Variants in DLGAP1 observed in about 807,000 individuals in gnomAD.
DLGAP1 encodes the protein disks large-associated protein 1.
DLGAP1 carries 11 observed loss-of-function variants against 90.8 expected under a neutral mutation model. The ratio of observed to expected loss-of-function variants is 0.12; its 90% CI spans 0.08 to 0.20. The LOEUF (loss-of-function observed/expected upper bound fraction) is 0.20, where lower values mean the gene tolerates loss of function less well. DLGAP1 is among the 10% of genes least tolerant of loss of function. The pLI is 1.00. For missense variants in DLGAP1, 1,050 were observed against 1,333.8 expected (o/e 0.79, Z 3.31); for synonymous variants, 558 against 540.7 (o/e 1.03, Z -0.44).
rs1437692601 is a variant in DLGAP1, at chr18:4,419,616, T to C, written c.-267+35390A>G. Among the ~76,000 whole-genome samples, 4 of 151,664 alleles carry C rather than the reference T, an allele frequency of 2.6e-5. No individual in the cohort carries two copies. In the South Asian group the frequency reaches 8.3e-4, roughly 32 times the overall value. ...ATTGTATGTTTGTAGCATATTTCAA[T>C]GTTAAATTTATGAAAATAATAAGAT... is the stretch of plus-strand genomic sequence containing the variant. On this transcript the variant is annotated intron_variant, in intron 1 of 12. Transcript: ENST00000315677.
At chr18:4,018,149 G>C (rs2074552860) in intron 2 of DLGAP1, among the ~76,000 whole-genome samples, 1 of 152,188 alleles carries the variant, frequency 6.6e-6, no homozygotes. Context: ...TCTGACTTAG[G>C]TTTGCTTCCA....
intron 4 of DLGAP1, among the ~76,000 whole-genome samples, chr18:3,833,702 G>C (rs1224662482): frequency 6.6e-6 from 1 of 152,126 alleles, no homozygotes; most frequent in South Asian, 2.1e-4. Context: ...TAGGACTTCT[G>C]AACTGATTTC....
intron 4 of DLGAP1, among the ~76,000 whole-genome samples, chr18:3,857,884 T>A (rs915491905): frequency 1.1e-4 from 17 of 152,140 alleles, no homozygotes; most frequent in African/African-American, 3.9e-4. Context: ...CTCTTCCTCA[T>A]CCACCCCACT....
chr18:3,567,312 G>C (rs1000570364), intron 9 of DLGAP1, among the ~76,000 whole-genome samples, 178 bp downstream of exon 9: 2 of 152,124 alleles, frequency 1.3e-5, no homozygotes, highest in African/African-American at 4.8e-5. Flanking sequence ...AAATGGAGTG[G>C]TGTCTAGTAT....
intron 7 of DLGAP1, among the ~76,000 whole-genome samples, chr18:3,659,025 G>A (rs11877381): frequency 0.17 from 25,885 of 152,100 alleles, 5,204 homozygotes; most frequent in African/African-American, 0.49. Context: ...TAAGAAAAAC[G>A]TGTGATTCAC....
intron 3 of DLGAP1, among the ~76,000 whole-genome samples, chr18:3,936,940 T>A (rs1241368329): frequency 6.6e-6 from 1 of 152,172 alleles, no homozygotes; most frequent in Non-Finnish European, 1.5e-5. Flanking sequence ...TGGAAACTAG[T>A]CAACTCTGAC....
At chr18:4,440,027 G>A (rs947750408) in intron 1 of DLGAP1, among the ~76,000 whole-genome samples, 10 of 150,062 alleles carry the variant, frequency 6.7e-5, no homozygotes, top group African/African-American at 2.5e-4. Context: ...GGCTGAGGCA[G>A]GAGACTGGCG....
At chr18:3,880,409 T>C (rs2071125147) in intron 3 of DLGAP1, among the ~76,000 whole-genome samples, 1 of 152,024 alleles carries the variant, frequency 6.6e-6, no homozygotes, top group Non-Finnish European at 1.5e-5. Flanking sequence ...ACTCCTGGGC[T>C]CAAGCTGTCC....
At chr18:3,992,179 C>T (rs1256936303) in intron 3 of DLGAP1, among the ~76,000 whole-genome samples, 2 of 152,054 alleles carry the variant, frequency 1.3e-5, no homozygotes, top group African/African-American at 2.4e-5. Context: ...CATATTGGTC[C>T]CCTATTTTAA....
rs542830890 is a variant in DLGAP1, at chr18:3,550,392, A to AT, written c.2058-15778dup. Among the ~76,000 whole-genome samples, 100 of 151,928 alleles carry AT rather than the reference A, an allele frequency of 6.6e-4. No individual in the cohort carries two copies. In the South Asian group the frequency reaches 0.018, roughly 27 times the overall value. On this transcript the variant is annotated intron_variant, in intron 9 of 12. Transcript: ENST00000315677. The stretch of plus-strand genomic sequence containing the variant: ...AGGCACATGCCACCACGCCCAGCTA[A>AT]TTTTTTTTATTTTTTAAGAGAGAGG...
chr18:3,728,124 A>G (rs189407695), intron 7 of DLGAP1, among the ~76,000 whole-genome samples: 440 of 152,254 alleles, frequency 2.9e-3, no homozygotes, highest in Non-Finnish European at 4.9e-3. Context: ...TAGCACTAAA[A>G]TGGAGTGATA....
intron 7 of DLGAP1, among the ~76,000 whole-genome samples, chr18:3,697,172 G>A (rs988993410): frequency 6.6e-6 from 1 of 151,684 alleles, no homozygotes; most frequent in Admixed American, 6.6e-5. Flanking sequence ...TTTTTTGAAG[G>A]GTTTTTTGTG....
intron 1 of DLGAP1, among the ~76,000 whole-genome samples, chr18:4,423,121 T>C (rs1178249532): frequency 1.3e-5 from 2 of 152,182 alleles, no homozygotes; most frequent in Admixed American, 6.6e-5. Context: ...AAAATTCCCA[T>C]GAAATTGTTA....
chr18:3,755,330 T>A (rs1225512962), intron 5 of DLGAP1, among the ~76,000 whole-genome samples: 2 of 152,034 alleles, frequency 1.3e-5, no homozygotes, highest in African/African-American at 4.8e-5. Flanking sequence ...AACTTCCCTA[T>A]CAAAAGGCTG....
intron 1 of DLGAP1, among the ~76,000 whole-genome samples, chr18:4,402,639 T>G (rs1280496940): frequency 6.6e-6 from 1 of 152,162 alleles, no homozygotes; most frequent in East Asian, 1.9e-4. Context: ...GATGTTACCA[T>G]TGTAGAGTAT....
chr18:3,874,844 G>C, intron 4 of DLGAP1: 1 of 1,220,764 alleles, frequency 8.2e-7, no homozygotes, highest in Non-Finnish European at 1.1e-6. Context: ...ACTGCAGACA[G>C]CTTGTGAGTG....
At chr18:3,966,465 G>A (rs1378228430) in intron 3 of DLGAP1, among the ~76,000 whole-genome samples, 1 of 152,154 alleles carries the variant, frequency 6.6e-6, no homozygotes, top group African/African-American at 2.4e-5. Context: ...AGTGGGAACT[G>A]AGGAATGAAT....
chr18:4,423,851 TA>T (rs36053501), intron 1 of DLGAP1, among the ~76,000 whole-genome samples: 43 of 120,628 alleles, frequency 3.6e-4, no homozygotes, highest in African/African-American at 1.2e-3. Flanking sequence ...CCCAGGAATT[TA>T]AAAAAAAAAA....
rs527853442 is a variant in DLGAP1 at position 4,182,994 on chromosome 18, A to G, written c.-266-31707T>C. ...GGTAATCATAGCTGGGCTCCTTAAA[A>G]TGGCAATTATAAACATGTCCCTATT... On this transcript the variant is annotated intron_variant, in intron 1 of 12. Transcript: ENST00000315677. 3.9e-5 allele frequency among the ~76,000 whole-genome samples: 6 copies of G among 152,312 alleles called. No individual in the cohort carries two copies. The South Asian group carries it at 1.0e-3, about 26-fold the overall frequency.
Sources: allele counts gnomAD v4.1 joint callset (sites outside exome capture counted in the v4.1 genomes callset), GRCh38; gene constraint gnomAD v4.1.1; transcripts MANE v1.5; gene names NCBI Gene and HGNC (gene_info 2026-07-23, HGNC 2026-07-21).